CHIC1: variants seen among roughly 807,000 people sequenced by gnomAD.
CHIC1 encodes the protein cysteine-rich hydrophobic domain-containing protein 1.
Under a neutral mutation model 18.5 loss-of-function variants are expected in CHIC1, and 7 were observed. The observed-to-expected ratio is 0.38, with a 90% confidence interval of 0.22 to 0.71. The LOEUF (loss-of-function observed/expected upper bound fraction) is 0.71, where lower values mean the gene tolerates loss of function less well. CHIC1 is among the 30% of genes least tolerant of loss of function. The probability of loss-of-function intolerance (pLI) is 0.49; values close to 1 mark genes in which losing one functional copy is unlikely to be tolerated. For missense variants in CHIC1, 159 were observed against 176.9 expected, an observed-to-expected ratio of 0.90 and a Z score of 0.57; for synonymous variants, 77 against 73.5, an observed-to-expected ratio of 1.05 and a Z score of -0.25.
chrX:73,622,175 T>C (rs1359030674), intron 3 of CHIC1, among the ~76,000 whole-genome samples: 1 of 112,148 alleles, frequency 8.9e-6, no homozygotes, highest in Admixed American at 9.4e-5. Context: ...GTTGTATCTC[T>C]GCCAGGTTTT....
chrX:73,634,006 A>G (rs948124400), intron 3 of CHIC1, among the ~76,000 whole-genome samples: 1 of 110,916 alleles, frequency 9.0e-6, no homozygotes, highest in African/African-American at 3.3e-5. Flanking sequence ...ATTATTTTGA[A>G]TTTTTGTCAA....
chrX:73,653,838 G>A (rs375263484), intron 3 of CHIC1, among the ~76,000 whole-genome samples: 3 of 111,321 alleles, frequency 2.7e-5, no homozygotes, highest in South Asian at 3.7e-4. Flanking sequence ...GGGATTTTTC[G>A]AAATTTCTTT....
intron 3 of CHIC1, among the ~76,000 whole-genome samples, chrX:73,663,757 C>G (rs1197165242): frequency 4.5e-5 from 5 of 111,415 alleles, no homozygotes; most frequent in Admixed American, 2.9e-4. Flanking sequence ...GCTTCCAAAA[C>G]TTCCCTTTCC....
rs144610378 is a variant in CHIC1 at position 73,634,208 on chromosome X, C to G, written c.508-45118C>G. Among the ~76,000 whole-genome samples, 1,494 of 111,971 alleles carry G rather than the reference C, an allele frequency of 0.013. 96 individuals are homozygous for G. The East Asian group carries it at 0.29, about 22-fold the overall frequency. On this transcript the variant is annotated intron_variant, in intron 3 of 5. Transcript: ENST00000373502. Reference sequence around the variant, plus strand: ...GAGAGATAGACCTTTACCAATGAGCCTAGGTAGAGATTCCAAAGGTCTCTC... The same window carrying G: ...GAGAGATAGACCTTTACCAATGAGCGTAGGTAGAGATTCCAAAGGTCTCTC...
chrX:73,603,002 T>G (rs1439101927), intron 3 of CHIC1, among the ~76,000 whole-genome samples: 1 of 108,845 alleles, frequency 9.2e-6, no homozygotes, highest in East Asian at 2.8e-4. Context: ...ATGGGCTGTT[T>G]TTTGATTTGA....
chrX:73,671,530 G>C (rs1180862182), intron 3 of CHIC1, among the ~76,000 whole-genome samples: 2 of 111,138 alleles, frequency 1.8e-5, no homozygotes, highest in African/African-American at 3.3e-5. Context: ...TTCAGAAATT[G>C]TATTTTGCTT....
intron 3 of CHIC1, among the ~76,000 whole-genome samples, chrX:73,598,290 A>T (rs113047868): frequency 0.042 from 4,521 of 107,440 alleles, 126 homozygotes; most frequent in Non-Finnish European, 0.071. Context: ...TCTAACTGGC[A>T]TGAGATGGTA....
rs2058115622 is a variant in CHIC1 at position 73,685,058 on chromosome X, A to T, written c.*4053A>T. The T allele has an allele frequency of 9.0e-6, 1 of 111,543 alleles. No individual in the cohort carries two copies. Among genetic ancestry groups the T allele is most frequent in the Non-Finnish European group, 1.9e-5 (1 of 52,893 alleles). 9.2% of individuals were successfully genotyped at this position (111,543 alleles called of 1,213,427 possible). On this transcript the variant is annotated 3_prime_UTR_variant, in exon 6 of 6. Transcript: ENST00000373502. ...AGGTGGAACCTAGAGCTGGACAAAAAATTAGAGATCACTTAACATTCTGTG... is the reference window on the plus strand; with the variant it reads ...AGGTGGAACCTAGAGCTGGACAAAATATTAGAGATCACTTAACATTCTGTG...
At chrX:73,606,376 A>C (rs1438882536) in intron 3 of CHIC1, among the ~76,000 whole-genome samples, 1 of 105,889 alleles carries the variant, frequency 9.4e-6, no homozygotes, top group African/African-American at 3.7e-5. Context: ...TCTAGATAGC[A>C]ATTCCTCTAA....
At position 73,597,636 on chromosome X, in the gene CHIC1, C is replaced by T. The variant is rs751087822; in HGVS notation, c.507+13064C>T. On this transcript the variant is annotated intron_variant, in intron 3 of 5. Coordinates refer to ENST00000373502, the MANE Select transcript of CHIC1 (RefSeq NM_001039840.4). ...ACACACACACATATATATATATATA[C>T]GCACTATAAGTTTTGGGATACATGT... 5.6e-5 allele frequency among the ~76,000 whole-genome samples: 6 copies of T among 106,427 alleles called. No individual in the cohort carries two copies. In the East Asian group the frequency reaches 8.7e-4, roughly 15 times the overall value. 92.4% of individuals were successfully genotyped at this position (106,427 alleles called of 115,157 possible).
chrX:73,607,627 G>A (rs1387647162), intron 3 of CHIC1, among the ~76,000 whole-genome samples: 2 of 109,069 alleles, frequency 1.8e-5, no homozygotes, highest in Non-Finnish European at 3.8e-5. Flanking sequence ...GGCACCCAAG[G>A]GAATCTTCTT....
rs138063696 is a variant in CHIC1, at chrX:73,591,592, G to A, written c.507+7020G>A. Among the ~76,000 whole-genome samples, 544 of 111,226 alleles carry A rather than the reference G, an allele frequency of 4.9e-3. 3 individuals carry two copies. Among genetic ancestry groups the A allele is most frequent in the Non-Finnish European group, 7.8e-3 (412 of 52,893 alleles). On this transcript the variant is annotated intron_variant, in intron 3 of 5. Coordinates refer to ENST00000373502, the MANE Select transcript of CHIC1 (RefSeq NM_001039840.4). ...TTTTAATGAATTTCACCTTATTAAT[G>A]TTTTCTTTTATGCATCTTGCTTTCT...
chrX:73,598,649 A>G (rs1383076942), intron 3 of CHIC1, among the ~76,000 whole-genome samples: 2 of 109,315 alleles, frequency 1.8e-5, no homozygotes, highest in Non-Finnish European at 3.8e-5. Context: ...TGTCCCTACA[A>G]AGGACATGAA....
At chrX:73,606,445 C>A (rs750190122) in intron 3 of CHIC1, among the ~76,000 whole-genome samples, 4 of 106,778 alleles carry the variant, frequency 3.7e-5, no homozygotes, top group African/African-American at 1.5e-4. Context: ...TTTAGCTCAG[C>A]GGAGTTTGTT....
intron 3 of CHIC1, among the ~76,000 whole-genome samples, chrX:73,587,027 A>G (rs2057556162): frequency 8.9e-6 from 1 of 112,073 alleles, no homozygotes; most frequent in African/African-American, 3.2e-5. Context: ...TTACAAAAAC[A>G]GGCAGCAAGC....
chrX:73,643,378 G>A (rs1481040181), intron 3 of CHIC1, among the ~76,000 whole-genome samples: 1 of 109,339 alleles, frequency 9.1e-6, no homozygotes, highest in East Asian at 2.9e-4. Context: ...GTATCTTTGT[G>A]GTGTTCTCTG....
intron 1 of CHIC1, among the ~76,000 whole-genome samples, chrX:73,574,355 C>CT (rs1162956541): frequency 9.0e-6 from 1 of 110,499 alleles, no homozygotes; most frequent in Non-Finnish European, 1.9e-5. Flanking sequence ...ATGTTTGTGT[C>CT]TATGTTCGTC....
chrX:73,626,504 CCT>C (rs780000554), intron 3 of CHIC1, among the ~76,000 whole-genome samples: 8 of 110,341 alleles, frequency 7.3e-5, no homozygotes, highest in African/African-American at 1.6e-4. Context: ...TCATTTTTCT[CCT>C]CTGACTGCAT....
chrX:73,666,260 A>G (rs1165158699), intron 3 of CHIC1, among the ~76,000 whole-genome samples: 2 of 111,631 alleles, frequency 1.8e-5, no homozygotes, highest in African/African-American at 6.5e-5. Context: ...TTCAGTTTCA[A>G]TGCAGTTGTG....
Sources: gnomAD v4.1 joint callset for allele counts (sites outside exome capture counted in the v4.1 genomes callset) on GRCh38, gnomAD v4.1.1 for gene constraint, MANE v1.5 for transcripts, NCBI Gene and HGNC (gene_info 2026-07-23, HGNC 2026-07-21) for gene names.